The following CRIM1 variants were observed in gnomAD, a reference collection of about 807,000 sequenced individuals.
CRIM1 encodes the protein cysteine-rich motor neuron 1 protein.
CRIM1 carries 32 observed loss-of-function variants against 116.4 expected under a neutral mutation model. The ratio of observed to expected loss-of-function variants is 0.27; its 90% CI spans 0.21 to 0.37. The LOEUF is 0.37. Among genes scored for constraint, CRIM1 ranks in the 10% least tolerant of loss-of-function variants. The pLI is 1.00. For synonymous variants in CRIM1, 590 were observed against 509.2 expected (o/e 1.16, Z -2.13); for missense variants, 1,331 against 1,354.8 (o/e 0.98, Z 0.28).
intron 2 of CRIM1, among the ~76,000 whole-genome samples, chr2:36,416,515 C>T (rs79902871): frequency 4.4e-3 from 675 of 152,270 alleles, no homozygotes; most frequent in Non-Finnish European, 7.7e-3. Flanking sequence ...ATTTAGAAAA[C>T]AAGATGTAAC....
intron 5 of CRIM1, among the ~76,000 whole-genome samples, chr2:36,468,193 C>T (rs137983911): frequency 3.9e-5 from 6 of 152,234 alleles, no homozygotes; most frequent in South Asian, 2.1e-4. Flanking sequence ...TATGCACTGC[C>T]GCACTCACTT....
chr2:36,491,574 T>G (rs1405134577), intron 7 of CRIM1, among the ~76,000 whole-genome samples: 4 of 152,224 alleles, frequency 2.6e-5, no homozygotes, highest in Non-Finnish European at 5.9e-5. Context: ...ACACTGACTT[T>G]AGGTGCTTAG....
At chr2:36,499,097 G>A (rs1680804606) in intron 7 of CRIM1, 122 bp from the exon 8 acceptor site, 8 of 719,462 alleles carry the variant, frequency 1.1e-5, no homozygotes, top group South Asian at 3.7e-5. Context: ...AAAAGTTTAC[G>A]ATTTGATGAC....
chr2:36,483,582 T>C (rs1402142129), intron 7 of CRIM1, among the ~76,000 whole-genome samples: 1 of 152,218 alleles, frequency 6.6e-6, no homozygotes, highest in African/African-American at 2.4e-5. Flanking sequence ...GACCAGACCC[T>C]GGACCCTGAA....
At chr2:36,386,927 CAT>C (rs147168320) in intron 1 of CRIM1, among the ~76,000 whole-genome samples, 5,583 of 152,306 alleles carry the variant, frequency 0.037, 133 homozygotes, top group South Asian at 0.067. Flanking sequence ...CATGAAACAA[CAT>C]GGGACATTCA....
At chr2:36,541,364 C>G (rs1666931706) in intron 14 of CRIM1, among the ~76,000 whole-genome samples, 2 of 152,300 alleles carry the variant, frequency 1.3e-5, no homozygotes, top group Middle Eastern at 6.8e-3. Flanking sequence ...AACAGTTTCA[C>G]CTTTACCATC....
At chr2:36,366,704 G>T (rs1242665509) in intron 1 of CRIM1, among the ~76,000 whole-genome samples, 2 of 152,204 alleles carry the variant, frequency 1.3e-5, no homozygotes, top group East Asian at 3.8e-4. Flanking sequence ...CAGAGTCCCA[G>T]TCTACAAGAG....
At chr2:36,463,240 T>G (rs943924640) in intron 4 of CRIM1, among the ~76,000 whole-genome samples, 5 of 152,212 alleles carry the variant, frequency 3.3e-5, no homozygotes, top group Non-Finnish European at 7.3e-5. Context: ...TGGTTAACTA[T>G]AAATGTAATT....
rs10707574 is a variant in CRIM1 at position 36,550,234 on chromosome 2, ATT to A, written c.*1550_*1551del. 1,358 of 132,162 alleles carry A rather than the reference ATT, an allele frequency of 0.01. 36 individuals carry two copies. The East Asian group carries it at 0.12, about 12-fold the overall frequency. The allele number at this position is 132,162 out of a possible 1,614,324, so 8.2% of individuals were successfully genotyped here. ...ATCTGCATCACTAATCAGCTCCTGG[ATT>A]TTTTTTTTTTTTTTTTCAAACAATG... On this transcript the variant is annotated 3_prime_UTR_variant, in exon 17 of 17. Coordinates refer to ENST00000280527, the MANE Select transcript of CRIM1 (RefSeq NM_016441.3).
chr2:36,374,100 A>G (rs1287964933), intron 1 of CRIM1, among the ~76,000 whole-genome samples: 2 of 152,220 alleles, frequency 1.3e-5, no homozygotes, highest in Non-Finnish European at 2.9e-5. Context: ...CTATGTGTCA[A>G]GAAAGGTAGA....
At chr2:36,546,632 T>C (rs186901730) in intron 15 of CRIM1, among the ~76,000 whole-genome samples, 10 of 152,234 alleles carry the variant, frequency 6.6e-5, no homozygotes, top group African/African-American at 2.4e-4. Context: ...GAGAAGACCA[T>C]GTATGTTAAC....
At chr2:36,463,629 C>G (rs1215910855) in intron 4 of CRIM1, among the ~76,000 whole-genome samples, 1 of 152,218 alleles carries the variant, frequency 6.6e-6, no homozygotes, top group Non-Finnish European at 1.5e-5. Context: ...TGACACCCAG[C>G]TGCCCTAAGT....
intron 4 of CRIM1, among the ~76,000 whole-genome samples, chr2:36,458,797 G>A (rs1462950209): frequency 1.3e-5 from 2 of 152,068 alleles, no homozygotes; most frequent in East Asian, 3.9e-4. Flanking sequence ...TAGAATCAAA[G>A]GATTTTATAT....
intron 1 of CRIM1, among the ~76,000 whole-genome samples, chr2:36,395,010 C>CTTTTT (rs772105466): frequency 2.0e-4 from 23 of 113,412 alleles, no homozygotes; most frequent in Non-Finnish European, 3.5e-4. Flanking sequence ...TTTGTACTGT[C>CTTTTT]TTTTTTTTTT....
At chr2:36,483,462 C>A (rs902667303) in intron 7 of CRIM1, among the ~76,000 whole-genome samples, 1 of 152,158 alleles carries the variant, frequency 6.6e-6, no homozygotes, top group Non-Finnish European at 1.5e-5. Context: ...AGCATCCCTT[C>A]GGTATGGGTG....
At position 36,534,661 on chromosome 2, in the gene CRIM1, G is replaced by A. The variant is rs191750728; in HGVS notation, c.2429-2691G>A. Reference sequence around the variant, plus strand: ...AGGAAGGGAAAGGAAGGGAAGGAAGGAAGGAAATACAGGAAGGAAAAGGAA... The same window carrying A: ...AGGAAGGGAAAGGAAGGGAAGGAAGAAAGGAAATACAGGAAGGAAAAGGAA... On this transcript the variant is annotated intron_variant, in intron 13 of 16. Transcript: ENST00000280527. Among the ~76,000 whole-genome samples the A allele has an allele frequency of 1.3e-4, 20 of 149,520 alleles. No individual in the cohort carries two copies. The East Asian group carries it at 3.6e-3, about 27-fold the overall frequency.
chr2:36,471,172 C>T (rs1300113237), intron 5 of CRIM1, among the ~76,000 whole-genome samples: 1 of 152,188 alleles, frequency 6.6e-6, no homozygotes, highest in Admixed American at 6.5e-5. Flanking sequence ...ATAGAATCTA[C>T]TCCTGGTGAG....
At chr2:36,404,341 C>G (rs1211762225) in intron 2 of CRIM1, among the ~76,000 whole-genome samples, 5 of 152,128 alleles carry the variant, frequency 3.3e-5, no homozygotes, top group Admixed American at 6.5e-5. Flanking sequence ...GCTGGTCAGA[C>G]CCACACCTGG....
At position 36,386,853 on chromosome 2, in the gene CRIM1, G is replaced by A. The variant is rs185798306; in HGVS notation, c.332-9761G>A. On this transcript the variant is annotated intron_variant, in intron 1 of 16. Transcript: ENST00000280527. Reference sequence around the variant, plus strand: ...ACCTAAAGGAAGTATTAACCACTGAGGAGAAGTTTCCAGTGCAGATGAAGA... The same window carrying A: ...ACCTAAAGGAAGTATTAACCACTGAAGAGAAGTTTCCAGTGCAGATGAAGA... 2.6e-5 allele frequency among the ~76,000 whole-genome samples: 4 copies of A among 152,350 alleles called. No homozygotes were observed. The East Asian group carries it at 7.7e-4, about 29-fold the overall frequency.
Sources: gnomAD v4.1 joint callset for allele counts (sites outside exome capture counted in the v4.1 genomes callset) on GRCh38, gnomAD v4.1.1 for gene constraint, MANE v1.5 for transcripts, NCBI Gene and HGNC (gene_info 2026-07-23, HGNC 2026-07-21) for gene names.